The following B3GALT1 variants were observed in gnomAD, a reference collection of about 807,000 sequenced individuals.
B3GALT1 encodes UDP-Gal:betaGlcNAc beta 1,3-galactosyltransferase, polypeptide 1.
B3GALT1 carries 10 observed loss-of-function variants against 23.2 expected under a neutral mutation model. The observed-to-expected ratio is 0.43, with a 90% CI of 0.27 to 0.73. The LOEUF (loss-of-function observed/expected upper bound fraction) is 0.73, where lower values mean the gene tolerates loss of function less well. Among genes scored for constraint, B3GALT1 ranks in the 30% least tolerant of loss-of-function variants. B3GALT1 has a pLI of 0.21. For missense variants in B3GALT1, 299 were observed against 405.4 expected (o/e 0.74, Z 2.25); for synonymous variants, 156 against 141.5 (o/e 1.10, Z -0.73).
intron 3 of B3GALT1, among the ~76,000 whole-genome samples, chr2:167,718,724 T>C (rs1213073470): frequency 6.6e-6 from 1 of 151,398 alleles, no homozygotes; most frequent in African/African-American, 2.4e-5. Flanking sequence ...AAGGGCATGA[T>C]CTAATGGTCA....
chr2:167,347,119 T>C (rs1697232902), intron 1 of B3GALT1, among the ~76,000 whole-genome samples: 1 of 152,210 alleles, frequency 6.6e-6, no homozygotes, highest in Non-Finnish European at 1.5e-5. Flanking sequence ...TGTAAATAAC[T>C]AATAATTGTT....
intron 1 of B3GALT1, among the ~76,000 whole-genome samples, chr2:167,395,256 G>A (rs996997432): frequency 6.6e-6 from 1 of 151,960 alleles, no homozygotes; most frequent in Non-Finnish European, 1.5e-5. Context: ...ACTTTATAAG[G>A]CTAAAGGAAC....
At chr2:167,626,066 G>C (rs1685337811) in intron 2 of B3GALT1, among the ~76,000 whole-genome samples, 1 of 148,356 alleles carries the variant, frequency 6.7e-6, no homozygotes, top group African/African-American at 2.5e-5. Context: ...TCAACTGAAA[G>C]TACAGCAAAA....
chr2:167,811,978 G>A (rs1335292299), intron 3 of B3GALT1, among the ~76,000 whole-genome samples: 1 of 152,176 alleles, frequency 6.6e-6, no homozygotes, highest in Non-Finnish European at 1.5e-5. Context: ...GGTGCTATAT[G>A]TGTACAGATG....
Position 167,658,964 on chromosome 2 carries a change from C to T in B3GALT1, c.-352+11998C>T, listed in dbSNP as rs72875055. 7.9e-3 allele frequency among the ~76,000 whole-genome samples: 1,195 copies of T among 152,170 alleles called. 13 individuals are homozygous for T. The highest frequency in any genetic ancestry group is 0.012 in the Non-Finnish European group (817 of 67,974). ...CATAAAGGTGATTGCTAAGAAACAA[C>T]AAATTCTAGTCCACTTTTTGTCTCG... On this transcript the variant is annotated intron_variant, in intron 3 of 4. Coordinates refer to ENST00000392690, the MANE Select transcript of B3GALT1 (RefSeq NM_020981.4).
chr2:167,529,515 G>A (rs1198300081), intron 2 of B3GALT1, among the ~76,000 whole-genome samples: 4 of 150,450 alleles, frequency 2.7e-5, no homozygotes, highest in Admixed American at 6.7e-5. Context: ...GGAGGTGCTA[G>A]TAACTGAGAT....
At chr2:167,357,144 G>A (rs1172767048) in intron 1 of B3GALT1, among the ~76,000 whole-genome samples, 1 of 151,888 alleles carries the variant, frequency 6.6e-6, no homozygotes, top group African/African-American at 2.4e-5. Context: ...TGTAAAAAGT[G>A]TATAATACAT....
intron 1 of B3GALT1, among the ~76,000 whole-genome samples, chr2:167,435,585 T>G (rs1698772098): frequency 6.6e-6 from 1 of 152,036 alleles, no homozygotes; most frequent in Non-Finnish European, 1.5e-5. Flanking sequence ...ACTCTTAGTT[T>G]TGCAGTCTTA....
intron 2 of B3GALT1, among the ~76,000 whole-genome samples, chr2:167,582,224 T>C (rs952474964): frequency 1.1e-4 from 17 of 152,292 alleles, no homozygotes; most frequent in African/African-American, 3.8e-4. Context: ...TTAGCCAACA[T>C]GGGAATTTTA....
intron 1 of B3GALT1, among the ~76,000 whole-genome samples, chr2:167,322,203 G>A (rs10803822): frequency 0.85 from 129,245 of 151,698 alleles, 55,485 homozygotes; most frequent in Middle Eastern, 0.92. Flanking sequence ...CGAAAATACT[G>A]TTCTTCAACA....
At chr2:167,534,015 A>T (rs544314294) in intron 2 of B3GALT1, among the ~76,000 whole-genome samples, 29 of 151,590 alleles carry the variant, frequency 1.9e-4, no homozygotes, top group Non-Finnish European at 4.1e-4. Flanking sequence ...TATGATAATT[A>T]TTCATTTTTG....
At chr2:167,484,935 G>A (rs1442206378) in intron 1 of B3GALT1, among the ~76,000 whole-genome samples, 1 of 152,204 alleles carries the variant, frequency 6.6e-6, no homozygotes, top group East Asian at 1.9e-4. Context: ...CTAGACTAGA[G>A]TGAGTTAGAA....
At chr2:167,805,886 G>A (rs980668247) in intron 3 of B3GALT1, among the ~76,000 whole-genome samples, 1 of 152,166 alleles carries the variant, frequency 6.6e-6, no homozygotes, top group South Asian at 2.1e-4. Flanking sequence ...TAGCTTGATA[G>A]GGATGGCATT....
chr2:167,703,938 T>G (rs1359541610), intron 3 of B3GALT1, among the ~76,000 whole-genome samples: 1 of 151,974 alleles, frequency 6.6e-6, no homozygotes, highest in Non-Finnish European at 1.5e-5. Context: ...TCCCAGCACT[T>G]TGGGAGGCCA....
At chr2:167,728,037 G>T (rs1687347449) in intron 3 of B3GALT1, among the ~76,000 whole-genome samples, 1 of 152,020 alleles carries the variant, frequency 6.6e-6, no homozygotes, top group Non-Finnish European at 1.5e-5. Flanking sequence ...ACCTTTAATC[G>T]CAGTGTCTGC....
At chr2:167,699,902 G>A (rs898754685) in intron 3 of B3GALT1, among the ~76,000 whole-genome samples, 3 of 152,124 alleles carry the variant, frequency 2.0e-5, no homozygotes, top group East Asian at 1.9e-4. Flanking sequence ...TAGTGGAGAC[G>A]GGGTTTCACC....
At chr2:167,499,290 AT>A (rs1699817341) in intron 2 of B3GALT1, among the ~76,000 whole-genome samples, 1 of 152,082 alleles carries the variant, frequency 6.6e-6, no homozygotes, top group Admixed American at 6.6e-5. Flanking sequence ...TCAGGTCTAG[AT>A]TTTATATTCT....
intron 3 of B3GALT1, among the ~76,000 whole-genome samples, chr2:167,803,272 C>G (rs1688676551): frequency 6.6e-6 from 1 of 152,146 alleles, no homozygotes; most frequent in South Asian, 2.1e-4. Context: ...TTTTTAGATA[C>G]TTATGCATTT....
At position 167,715,313 on chromosome 2, in the gene B3GALT1, A is replaced by G. The variant is rs1687125732; in HGVS notation, c.-352+68347A>G. The G allele has an allele frequency of 9.3e-6, 15 of 1,613,788 alleles. No individual in the cohort carries two copies. The Admixed American group carries it at 1.5e-4, about 16-fold the overall frequency. On this transcript the variant is annotated intron_variant, in intron 3 of 4. Transcript: ENST00000392690. ...ATCATTCAGAACTTGTTCTGCTTAT[A>G]CTTTGGAGTCTTCAAATGTTATTTT...
Sources: allele counts gnomAD v4.1 joint callset (sites outside exome capture counted in the v4.1 genomes callset), GRCh38; gene constraint gnomAD v4.1.1; transcripts MANE v1.5; gene names NCBI Gene and HGNC (gene_info 2026-07-23, HGNC 2026-07-21).